The following FARS2 variants were observed in gnomAD, a reference collection of about 807,000 sequenced individuals.
FARS2 encodes phenylalanyl-tRNA synthetase 2, mitochondrial.
In FARS2, 40 loss-of-function variants were observed where a neutral mutation model predicts 46.4. The ratio of observed to expected loss-of-function variants is 0.86; its 90% confidence interval spans 0.67 to 1.12. FARS2 has a LOEUF of 1.12. FARS2 is among the 50% of genes most tolerant of loss of function. The pLI is 0.00. For missense variants in FARS2, 513 were observed against 567.9 expected (o/e 0.90, Z 0.98); for synonymous variants, 234 against 214.9 (o/e 1.09, Z -0.78).
chr6:5,627,517 G>A (rs1356254504), intron 6 of FARS2, among the ~76,000 whole-genome samples: 9 of 152,162 alleles, frequency 5.9e-5, no homozygotes. Context: ...TTGCCTGTCC[G>A]GCAATGCACA....
intron 6 of FARS2, among the ~76,000 whole-genome samples, chr6:5,708,817 C>T (rs1397148376): frequency 6.6e-6 from 1 of 152,166 alleles, no homozygotes; most frequent in East Asian, 1.9e-4. Context: ...TACACCACCA[C>T]ACCCAGCTAA....
chr6:5,407,066 T>TATATATATATATATATATAA (rs70975905), intron 3 of FARS2, among the ~76,000 whole-genome samples: 1,591 of 109,210 alleles, frequency 0.015, 81 homozygotes, highest in Non-Finnish European at 0.019. Flanking sequence ...TATATATATA[T>TATATATATATATATATATAA]AATGACCAAT....
At chr6:5,644,614 G>A (rs1776986032) in intron 6 of FARS2, among the ~76,000 whole-genome samples, 1 of 152,156 alleles carries the variant, frequency 6.6e-6, no homozygotes, top group South Asian at 2.1e-4. Context: ...GCCCACCTTG[G>A]CCACCCAAAG....
chr6:5,301,238 C>G (rs1768276022), intron 1 of FARS2, among the ~76,000 whole-genome samples: 2 of 152,116 alleles, frequency 1.3e-5, no homozygotes, highest in Non-Finnish European at 2.9e-5. Flanking sequence ...AAATGAGGCA[C>G]TTACTTTTCT....
intron 4 of FARS2, among the ~76,000 whole-genome samples, chr6:5,468,418 C>T (rs1186481334): frequency 6.6e-6 from 1 of 151,266 alleles, no homozygotes; most frequent in African/African-American, 2.4e-5. Context: ...ATTTGTGTGA[C>T]GGTGATGTTG....
chr6:5,653,325 A>C (rs1413907359), intron 6 of FARS2, among the ~76,000 whole-genome samples: 1 of 152,242 alleles, frequency 6.6e-6, no homozygotes, highest in Non-Finnish European at 1.5e-5. Context: ...GATCTACTGT[A>C]ATCTGCTCAG....
chr6:5,600,197 G>C (rs1244174143), intron 5 of FARS2, among the ~76,000 whole-genome samples: 2 of 152,110 alleles, frequency 1.3e-5, no homozygotes, highest in African/African-American at 4.8e-5. Context: ...TTGAATACAA[G>C]GTTACCAGAA....
rs919151454 is a variant in FARS2 at position 5,570,771 on chromosome 6, A to G, written c.1065+25431A>G. Among the ~76,000 whole-genome samples, 27 of 143,708 alleles carry G rather than the reference A, an allele frequency of 1.9e-4. 1 individual carries two copies. Among genetic ancestry groups the G allele is most frequent in the Non-Finnish European group, 1.5e-5 (1 of 66,160 alleles). 94.3% of individuals were successfully genotyped at this position (143,708 alleles called of 152,430 possible). On this transcript the variant is annotated intron_variant, in intron 5 of 6. Coordinates refer to ENST00000274680, the MANE Select transcript of FARS2 (RefSeq NM_006567.5). ...TAATAGATGCTAGAACTGGAACAAG[A>G]AAAGCTTTTGGCAGACCTCTGGAAA...
At position 5,369,035 on chromosome 6, in the gene FARS2, C is replaced by T; in HGVS notation, c.465C>T (p.His155=). 6.2e-7 allele frequency: 1 copy of T among 1,614,172 alleles called. No individual in the cohort carries two copies. The highest frequency in any genetic ancestry group is 8.5e-7 in the Non-Finnish European group (1 of 1,180,036). The change falls in exon 2 of 7, where the codon CAC becomes CAT. Residue 155 remains histidine (H), a synonymous_variant. Coordinates refer to ENST00000274680, the MANE Select transcript of FARS2 (RefSeq NM_006567.5). ...ATCGGACTCACATGCTGAGAGCGCA[C>T]ACGTCTGCACACCAGTGGGACTTGC... ...YLNRTHMLRA[H]TSAHQWDLLH...
intron 6 of FARS2, among the ~76,000 whole-genome samples, chr6:5,770,618 G>A (rs1279519634): frequency 6.6e-6 from 1 of 152,178 alleles, no homozygotes; most frequent in Admixed American, 6.5e-5. Context: ...ACTGACCAGT[G>A]TGTCTTAGCA....
At chr6:5,274,988 A>G (rs573115396) in intron 1 of FARS2, among the ~76,000 whole-genome samples, 85 of 152,318 alleles carry the variant, frequency 5.6e-4, no homozygotes, top group African/African-American at 1.9e-3. Flanking sequence ...AAGTGTTGGG[A>G]TTACAGGTGT....
At chr6:5,448,670 T>G (rs911806495) in intron 4 of FARS2, among the ~76,000 whole-genome samples, 20 of 152,354 alleles carry the variant, frequency 1.3e-4, no homozygotes, top group African/African-American at 4.8e-4. Context: ...TATGTACATG[T>G]GTCACATTTT....
intron 2 of FARS2, among the ~76,000 whole-genome samples, chr6:5,399,489 A>G (rs1453112087): frequency 1.3e-5 from 2 of 152,120 alleles, no homozygotes; most frequent in African/African-American, 4.8e-5. Context: ...TTGCGTAGAT[A>G]AAGTATTAAC....
intron 6 of FARS2, among the ~76,000 whole-genome samples, chr6:5,711,474 A>G (rs933049802): frequency 1.3e-5 from 2 of 152,212 alleles, no homozygotes; most frequent in African/African-American, 2.4e-5. Flanking sequence ...GTAACTTCAC[A>G]GTGGAGGAAG....
At chr6:5,591,728 C>T (rs531998854) in intron 5 of FARS2, among the ~76,000 whole-genome samples, 77 of 152,366 alleles carry the variant, frequency 5.1e-4, no homozygotes, top group South Asian at 1.7e-3. Flanking sequence ...CATCAACTCA[C>T]ATAGCCCCTC....
chr6:5,312,474 G>A (rs7774214), intron 1 of FARS2, among the ~76,000 whole-genome samples: 74,170 of 151,982 alleles, frequency 0.49, 19,010 homozygotes, highest in African/African-American at 0.65. Flanking sequence ...TACGTTAACA[G>A]TGGTCCTGAA....
At chr6:5,738,404 G>A (rs1761087778) in intron 6 of FARS2, among the ~76,000 whole-genome samples, 1 of 152,220 alleles carries the variant, frequency 6.6e-6, no homozygotes, top group Admixed American at 6.5e-5. Flanking sequence ...TGTATGAATA[G>A]AACAGGTTCT....
chr6:5,540,353 A>G (rs1436403896), intron 4 of FARS2, among the ~76,000 whole-genome samples: 2 of 152,094 alleles, frequency 1.3e-5, no homozygotes, highest in African/African-American at 4.8e-5. Flanking sequence ...GATCATTTCC[A>G]TTTCTCATCT....
rs150789146 is a variant in FARS2 at position 5,545,247 on chromosome 6, C to T, written c.972C>T (p.Tyr324=). 42 of 1,613,912 alleles carry T rather than the reference C, an allele frequency of 2.6e-5. No homozygotes were observed. Among genetic ancestry groups the T allele is most frequent in the Middle Eastern group, 1.6e-4 (1 of 6,084 alleles). ...LGLERLAMIL[Y]DIPDIRLFWC... ...TAGAAAGGCTAGCCATGATCCTCTACGACATCCCTGATATCCGTCTCTTCT... is the reference window on the plus strand; with the variant it reads ...TAGAAAGGCTAGCCATGATCCTCTATGACATCCCTGATATCCGTCTCTTCT... The change falls in exon 5 of 7, where the codon TAC becomes TAT. Residue 324 remains tyrosine, a synonymous_variant. Transcript: ENST00000274680.
Sources: gnomAD v4.1 joint callset for allele counts (sites outside exome capture counted in the v4.1 genomes callset) on GRCh38, gnomAD v4.1.1 for gene constraint, MANE v1.5 for transcripts, NCBI Gene and HGNC (gene_info 2026-07-23, HGNC 2026-07-21) for gene names.